C6: variants seen among roughly 807,000 people sequenced by gnomAD.
The protein encoded by C6 is complement C6.
C6 carries 101 observed loss-of-function variants against 112.9 expected under a neutral mutation model. The observed-to-expected ratio is 0.89, with a 90% CI of 0.76 to 1.06. The LOEUF is 1.06. Among genes scored for constraint, C6 ranks in the 50% least tolerant of loss-of-function variants. C6 has a pLI of 0.00. For missense variants in C6, 1,202 were observed against 1,104.6 expected (o/e 1.09, Z -1.25); for synonymous variants, 431 against 384.1 (o/e 1.12, Z -1.43).
Position 41,188,917 on chromosome 5 carries a change from C to T in C6, c.588-2709G>A, listed in dbSNP as rs577308267. 2.3e-4 allele frequency among the ~76,000 whole-genome samples: 35 copies of T among 151,858 alleles called. 1 individual carries two copies. The highest frequency in any genetic ancestry group is 8.0e-4 in the African/African-American group (33 of 41,474). On this transcript the variant is annotated intron_variant, in intron 5 of 17. Coordinates refer to ENST00000337836, the MANE Select transcript of C6 (RefSeq NM_000065.5). ...CAGAATATACAAAAAATGCTTGGAA[C>T]TAAATAAAAAAACCAAATTACTCAA... is the stretch of plus-strand genomic sequence containing the variant.
chr5:41,187,699 T>TACACACAC (rs201227440), intron 5 of C6, among the ~76,000 whole-genome samples: 6,490 of 123,262 alleles, frequency 0.053, 167 homozygotes, highest in African/African-American at 0.078. Flanking sequence ...GACACACACA[T>TACACACAC]ACACACACAC....
At chr5:41,202,180 T>C (rs1295646687) in intron 2 of C6, among the ~76,000 whole-genome samples, 1 of 152,070 alleles carries the variant, frequency 6.6e-6, no homozygotes, top group African/African-American at 2.4e-5. Context: ...GAGAGAAACA[T>C]CCTGAATAAT....
At chr5:41,200,891 G>GTTGTTTTTTTTTTTTTTTTTTT (rs1447605950) in intron 3 of C6, among the ~76,000 whole-genome samples, 1 of 70,670 alleles carries the variant, frequency 1.4e-5, no homozygotes. Flanking sequence ...TGTTGTTGTT[G>GTTGTTTTTTTTTTTTTTTTTTT]TTTTTTTTTT....
At chr5:41,171,569 G>A (rs1395746693) in intron 9 of C6, among the ~76,000 whole-genome samples, 1 of 152,148 alleles carries the variant, frequency 6.6e-6, no homozygotes, top group Non-Finnish European at 1.5e-5. Context: ...GTCTGGGTTG[G>A]GGATTGGGAT....
chr5:41,191,519 C>G (rs960593363), intron 5 of C6, among the ~76,000 whole-genome samples: 7 of 152,146 alleles, frequency 4.6e-5, no homozygotes, highest in African/African-American at 1.4e-4. Context: ...GTCACTTTAA[C>G]AATAGTAATA....
rs763461505 is a variant in C6, at chr5:41,155,070, A to G, written c.2003T>C (p.Val668Ala). The G allele has an allele frequency of 1.2e-6, 2 of 1,613,702 alleles. No individual in the cohort carries two copies. Among genetic ancestry groups the G allele is most frequent in the Admixed American group, 1.7e-5 (1 of 59,966 alleles). ...EKQLYLVGED[V>A]EISCLTGFET... is the part of the protein sequence containing the mutation. ...AAAGCCAGTAAGGCATGAAATTTCA[A>G]CATCTTCTCCAACCAAGTATAGTTG... is the stretch of plus-strand genomic sequence containing the variant. The change falls in exon 14 of 18, where the codon GTT (valine) becomes GCT (alanine). Residue 668 changes from valine to alanine, a missense_variant. Physicochemically the swap from Val to Ala is moderately conservative, Grantham distance 64. Transcript: ENST00000337836.
At chr5:41,244,618 C>A (rs1183433742) in intron 1 of C6, among the ~76,000 whole-genome samples, 3 of 152,170 alleles carry the variant, frequency 2.0e-5, no homozygotes, top group African/African-American at 4.8e-5. Flanking sequence ...GTGTCTATGA[C>A]CCTCCAGAAC....
chr5:41,207,368 C>T (rs866874674), intron 1 of C6, among the ~76,000 whole-genome samples: 64 of 152,278 alleles, frequency 4.2e-4, no homozygotes, highest in Middle Eastern at 3.4e-3. Flanking sequence ...TTCAAATTCA[C>T]ACATAACAAT....
upstream of C6, among the ~76,000 whole-genome samples, chr5:41,214,962 C>T (rs974177591): frequency 2.0e-5 from 3 of 152,020 alleles, no homozygotes; most frequent in Admixed American, 6.6e-5. Context: ...AGATGGAATG[C>T]GAATGTCTGT....
intron 1 of C6, among the ~76,000 whole-genome samples, chr5:41,244,523 T>A (rs2150429958): frequency 6.6e-6 from 1 of 152,304 alleles, no homozygotes; most frequent in Non-Finnish European, 1.5e-5. Flanking sequence ...CTATGTAGCT[T>A]CTATGCAACC....
At chr5:41,258,098 T>G (rs771643815) in intron 1 of C6, among the ~76,000 whole-genome samples, 12 of 152,076 alleles carry the variant, frequency 7.9e-5, no homozygotes, top group Non-Finnish European at 1.2e-4. Flanking sequence ...AAGCAAAAAT[T>G]AAATTGCTTT....
chr5:41,178,489 G>A (rs1308961708), intron 7 of C6, among the ~76,000 whole-genome samples: 3 of 34,786 alleles, frequency 8.6e-5, no homozygotes, highest in African/African-American at 3.1e-4. Flanking sequence ...TTTTTTTTGT[G>A]AGATGGAGAC....
intron 9 of C6, among the ~76,000 whole-genome samples, chr5:41,169,604 G>T (rs550798000): frequency 2.0e-5 from 3 of 152,128 alleles, no homozygotes; most frequent in Non-Finnish European, 2.9e-5. Flanking sequence ...TGTACAGGAA[G>T]CCTGGCAGGG....
At position 41,142,945 on chromosome 5, in the gene C6, G is replaced by C; in HGVS notation, c.2685C>G (p.Leu895=). The stretch of plus-strand genomic sequence containing the variant: ...TTGATGATCCCATTTTGACACAGTA[G>C]AGTTGGTTTCCACCCTTGAAGCACT... ...PPQCFKGGNQ[L]YCVKMGSSTS... is the part of the protein sequence containing the mutation. Residue 895 remains leucine, a synonymous_variant, in exon 18 of 18, where the codon CTC becomes CTG. Coordinates refer to ENST00000337836, the MANE Select transcript of C6 (RefSeq NM_000065.5). 6.2e-7 allele frequency: 1 copy of C among 1,613,572 alleles called. No individual in the cohort carries two copies. Among genetic ancestry groups the C allele is most frequent in the Non-Finnish European group, 8.5e-7 (1 of 1,179,738 alleles).
chr5:41,222,258 T>C (rs995985932), intron 1 of C6, among the ~76,000 whole-genome samples: 4 of 152,030 alleles, frequency 2.6e-5, no homozygotes, highest in African/African-American at 9.7e-5. Flanking sequence ...TGTGTATTTA[T>C]ATATGTTGCT....
At chr5:41,205,418 G>A (rs57480514) in intron 1 of C6, among the ~76,000 whole-genome samples, 3,700 of 152,296 alleles carry the variant, frequency 0.024, 163 homozygotes, top group African/African-American at 0.084. Context: ...GAAGAAGGGC[G>A]GGACATCGCC....
chr5:41,225,346 C>T (rs1211563153), intron 1 of C6, among the ~76,000 whole-genome samples: 3 of 151,536 alleles, frequency 2.0e-5, no homozygotes, highest in Admixed American at 6.6e-5. Context: ...CGATAGTTTG[C>T]TGAGAATGGT....
intron 1 of C6, among the ~76,000 whole-genome samples, chr5:41,238,549 C>T (rs1740478362): frequency 6.6e-6 from 1 of 152,122 alleles, no homozygotes; most frequent in South Asian, 2.1e-4. Flanking sequence ...CCTTAGACCA[C>T]TGGAGAAAAG....
Position 41,142,385 on chromosome 5 carries a change from A to T in C6, c.*440T>A, listed in dbSNP as rs1745433695. On this transcript the variant is annotated 3_prime_UTR_variant, in exon 18 of 18. Coordinates refer to ENST00000337836, the MANE Select transcript of C6 (RefSeq NM_000065.5). ...TGACATCCTGTATACACACTCAGAA[A>T]TTATTTGTTGAATGAAGATATGAAA... 1 of 205,308 alleles carries T rather than the reference A, an allele frequency of 4.9e-6. No individual in the cohort carries two copies. The allele number at this position is 205,308 out of a possible 1,614,324, so 12.7% of individuals were successfully genotyped here. A position where few individuals can be genotyped will look rare whatever the true frequency, so the allele number is the denominator to read the frequency against.
Sources: gnomAD v4.1 joint callset for allele counts (sites outside exome capture counted in the v4.1 genomes callset) on GRCh38, gnomAD v4.1.1 for gene constraint, MANE v1.5 for transcripts, NCBI Gene and HGNC (gene_info 2026-07-23, HGNC 2026-07-21) for gene names.